The following RTN4RL1 variants were observed in gnomAD, a reference collection of about 807,000 sequenced individuals.
The protein encoded by RTN4RL1 is reticulon 4 receptor like 1, also known as reticulon-4 receptor-like 1.
A neutral mutation model predicts 25.6 loss-of-function variants in RTN4RL1; 7 were observed. The ratio of observed to expected loss-of-function variants is 0.27; its 90% CI spans 0.16 to 0.51. The LOEUF (loss-of-function observed/expected upper bound fraction) is 0.51. Ranked by LOEUF, RTN4RL1 falls within the 20% of genes least tolerant of loss-of-function variation. The pLI is 0.97. For missense variants in RTN4RL1, 500 were observed against 615.6 expected, an observed-to-expected ratio of 0.81 and a Z score of 1.99; for synonymous variants, 297 against 288.2, an observed-to-expected ratio of 1.03 and a Z score of -0.31.
At chr17:1,984,423 G>A (rs1049440531) in intron 1 of RTN4RL1, among the ~76,000 whole-genome samples, 5 of 152,054 alleles carry the variant, frequency 3.3e-5, no homozygotes, top group African/African-American at 1.2e-4. Flanking sequence ...GAGTGCAGTG[G>A]CCCAGTCATA....
chr17:1,985,937 C>G (rs1288772020), intron 1 of RTN4RL1, among the ~76,000 whole-genome samples: 1 of 152,166 alleles, frequency 6.6e-6, no homozygotes. Context: ...AGCTGCCCCG[C>G]CTCTCAGCTG....
intron 1 of RTN4RL1, among the ~76,000 whole-genome samples, chr17:2,006,288 G>A (rs573592338): frequency 6.6e-6 from 1 of 152,032 alleles, no homozygotes; most frequent in African/African-American, 2.4e-5. Flanking sequence ...CTCCCAAGTA[G>A]CTGGGATTAC....
chr17:1,942,036 C>T (rs370160545), intron 1 of RTN4RL1, among the ~76,000 whole-genome samples: 6 of 152,166 alleles, frequency 3.9e-5, no homozygotes, highest in Non-Finnish European at 7.4e-5. Context: ...AGACTCTCTC[C>T]GGAGGAGCCC....
chr17:1,970,536 C>G (rs905804227), intron 1 of RTN4RL1, among the ~76,000 whole-genome samples: 1 of 152,158 alleles, frequency 6.6e-6, no homozygotes, highest in Non-Finnish European at 1.5e-5. Flanking sequence ...AAGGGGCCCT[C>G]GTGGGACAGG....
At chr17:1,942,201 G>T (rs994345519) in intron 1 of RTN4RL1, among the ~76,000 whole-genome samples, 3 of 152,148 alleles carry the variant, frequency 2.0e-5, no homozygotes, top group African/African-American at 4.8e-5. Flanking sequence ...CCAGGGGCAC[G>T]TGCTCGGCTG....
chr17:1,936,896 G>T lies in RTN4RL1; in HGVS notation c.926C>A (p.Ser309Tyr). ...EDFRNCTGPA[S>Y]PHQIKSHTLT... ...CGTGTGTGACTTGATCTGGTGCGGG[G>T]ACGCTGGTCCCGTGCAGTTCCGGAA... The change falls in exon 2 of 2, where the codon TCC (serine) becomes TAC (tyrosine). Residue 309 changes from serine to tyrosine, a missense_variant. By Grantham distance (144) the Ser-to-Tyr change is moderately radical (BLOSUM62 -2). This residue lies in a region of RTN4RL1 where 268 missense variants were observed against 274.5 expected (regional missense o/e 0.98). Transcript: ENST00000331238. 6.2e-7 allele frequency: 1 copy of T among 1,607,208 alleles called. No homozygotes were observed. The highest frequency in any genetic ancestry group is 8.5e-7 in the Non-Finnish European group (1 of 1,177,114).
intron 1 of RTN4RL1, among the ~76,000 whole-genome samples, chr17:2,022,687 C>T (rs1042795854): frequency 1.3e-5 from 2 of 152,252 alleles, no homozygotes; most frequent in Non-Finnish European, 2.9e-5. Context: ...ACAAGTCACC[C>T]GTCCACACGA....
At chr17:1,984,796 G>A (rs1356083468) in intron 1 of RTN4RL1, among the ~76,000 whole-genome samples, 5 of 152,002 alleles carry the variant, frequency 3.3e-5, no homozygotes, top group African/African-American at 4.8e-5. Context: ...GTGAAACCCC[G>A]TCTCTACTAA....
At chr17:2,022,784 G>C (rs1013187756) in intron 1 of RTN4RL1, among the ~76,000 whole-genome samples, 2 of 152,238 alleles carry the variant, frequency 1.3e-5, no homozygotes, top group African/African-American at 4.8e-5. Context: ...GCCAATCCAG[G>C]TGGAAACCTA....
intron 1 of RTN4RL1, among the ~76,000 whole-genome samples, chr17:2,007,360 A>ACACAC (rs2067005930): frequency 6.6e-6 from 1 of 151,454 alleles, no homozygotes; most frequent in Non-Finnish European, 1.5e-5. Context: ...ACACACACAC[A>ACACAC]CACACACACA....
intron 1 of RTN4RL1, among the ~76,000 whole-genome samples, chr17:1,974,599 C>G (rs1211254418): frequency 6.6e-6 from 1 of 151,946 alleles, no homozygotes; most frequent in Admixed American, 6.6e-5. Flanking sequence ...GTGTTACTAC[C>G]CAGGGTCTGA....
intron 1 of RTN4RL1, among the ~76,000 whole-genome samples, chr17:1,952,436 G>A (rs564904747): frequency 1.3e-5 from 2 of 149,910 alleles, no homozygotes; most frequent in South Asian, 2.1e-4. Context: ...TCCCGGGTTC[G>A]AGTGATTCTC....
chr17:1,979,139 G>A (rs939927758), intron 1 of RTN4RL1, among the ~76,000 whole-genome samples: 1 of 152,250 alleles, frequency 6.6e-6, no homozygotes, highest in African/African-American at 2.4e-5. Context: ...TGAGCGTGGT[G>A]GCACGCACCT....
intron 1 of RTN4RL1, among the ~76,000 whole-genome samples, chr17:1,952,139 C>T (rs1233737206): frequency 6.6e-6 from 1 of 152,158 alleles, no homozygotes; most frequent in Admixed American, 6.6e-5. Context: ...CGACACATGT[C>T]TCTCCTGCTC....
intron 1 of RTN4RL1, among the ~76,000 whole-genome samples, chr17:1,983,200 C>G (rs1279538023): frequency 6.6e-6 from 1 of 152,136 alleles, no homozygotes. Flanking sequence ...CACCCGCCAC[C>G]ACACCCGGCT....
intron 1 of RTN4RL1, among the ~76,000 whole-genome samples, chr17:1,965,404 G>A (rs750514531): frequency 6.6e-5 from 10 of 152,098 alleles, no homozygotes; most frequent in Admixed American, 3.3e-4. Flanking sequence ...GAGCCACTGC[G>A]CCCAGTCCAG....
rs532322037 is a variant in RTN4RL1 at position 1,959,650 on chromosome 17, C to T, written c.14-21842G>A. ...CACGATCTCGGCTCACTGCAACCTC[C>T]ACCTCCCATGTTCAAACGATTCTCA... On this transcript the variant is annotated intron_variant, in intron 1 of 1. Transcript: ENST00000331238. 7.7e-4 allele frequency among the ~76,000 whole-genome samples: 117 copies of T among 152,256 alleles called. 2 individuals are homozygous for T. The South Asian group carries it at 0.023, about 30-fold the overall frequency.
intron 1 of RTN4RL1, among the ~76,000 whole-genome samples, chr17:1,968,454 C>G (rs190800598): frequency 6.6e-6 from 1 of 152,310 alleles, no homozygotes; most frequent in Admixed American, 6.5e-5. Context: ...GGCCCCACTC[C>G]CCCTTCTCTA....
chr17:2,002,064 C>T (rs1376089845), intron 1 of RTN4RL1, among the ~76,000 whole-genome samples: 3 of 151,308 alleles, frequency 2.0e-5, no homozygotes, highest in Non-Finnish European at 2.9e-5. Context: ...AGGGAGCTGA[C>T]AAGCATCGGA....
Sources: gnomAD v4.1 joint callset for allele counts (sites outside exome capture counted in the v4.1 genomes callset) on GRCh38, gnomAD v4.1.1 for gene constraint, gnomAD v4.1.1 regional missense constraint, MANE v1.5 for transcripts, NCBI Gene and HGNC (gene_info 2026-07-23, HGNC 2026-07-21) for gene names.